Variants in PLPP7 observed in about 807,000 individuals in gnomAD.
PLPP7 encodes the protein phospholipid phosphatase 7 (inactive).
PLPP7 carries 11 observed loss-of-function variants against 16.9 expected under a neutral mutation model. The ratio of observed to expected loss-of-function variants is 0.65; its 90% CI spans 0.41 to 1.08. PLPP7 has a LOEUF of 1.08. PLPP7 is among the 50% of genes least tolerant of loss of function. The pLI is 0.00. For synonymous variants in PLPP7, 174 were observed against 175.1 expected (o/e 0.99, Z 0.05); for missense variants, 358 against 397.1 (o/e 0.90, Z 0.84).
At chr9:131,307,759 C>T (rs1372958353) in intron 1 of PLPP7, among the ~76,000 whole-genome samples, 164 bp from the exon 2 acceptor site, 1 of 152,054 alleles carries the variant, frequency 6.6e-6, no homozygotes, top group Non-Finnish European at 1.5e-5. Flanking sequence ...GCAGGGGAGA[C>T]AGCAAAGGCA....
chr9:131,298,856 T>C (rs1267830488), intron 1 of PLPP7, among the ~76,000 whole-genome samples: 2 of 152,186 alleles, frequency 1.3e-5, no homozygotes, highest in Admixed American at 1.3e-4. Context: ...CTTGTTGCCC[T>C]CTGAGGGCCG....
chr9:131,307,062 T>G (rs1025057491), intron 1 of PLPP7, among the ~76,000 whole-genome samples: 1 of 151,470 alleles, frequency 6.6e-6, no homozygotes, highest in African/African-American at 2.4e-5. Flanking sequence ...CTGGCCAACA[T>G]GGCAAAACCC....
At chr9:131,296,572 G>GA (rs932120384) in intron 1 of PLPP7, among the ~76,000 whole-genome samples, 5 of 152,168 alleles carry the variant, frequency 3.3e-5, no homozygotes, top group African/African-American at 1.2e-4. Flanking sequence ...CTTGTAGTAA[G>GA]AAAAAATGCA....
intron 1 of PLPP7, among the ~76,000 whole-genome samples, chr9:131,302,096 G>T (rs1290982312): frequency 6.6e-6 from 1 of 152,178 alleles, no homozygotes; most frequent in Admixed American, 6.5e-5. Context: ...TGGAATTACA[G>T]GCGTGAGCCA....
intron 1 of PLPP7, among the ~76,000 whole-genome samples, chr9:131,306,981 G>A (rs926082638): frequency 5.9e-5 from 9 of 152,006 alleles, no homozygotes; most frequent in Non-Finnish European, 1.0e-4. Context: ...AGTGGCTCAC[G>A]CCTGTAATGG....
chr9:131,291,174 C>T (rs1835671867), intron 1 of PLPP7: 1 of 1,366,028 alleles, frequency 7.3e-7, no homozygotes, highest in Non-Finnish European at 9.8e-7. Flanking sequence ...TTCCCTCCAC[C>T]CAGAGGTGAT....
At chr9:131,293,915 G>T (rs1835708566) in intron 1 of PLPP7, among the ~76,000 whole-genome samples, 1 of 152,184 alleles carries the variant, frequency 6.6e-6, no homozygotes, top group Non-Finnish European at 1.5e-5. Flanking sequence ...CTAACCCCCA[G>T]GGGCAGTCTC....
In PLPP7 at chr9:131,295,093, C is replaced by T. The variant is rs569665671; in HGVS notation, c.451+4645C>T. Among the ~76,000 whole-genome samples, 273 of 151,006 alleles carry T rather than the reference C, an allele frequency of 1.8e-3. 1 individual carries two copies. Among genetic ancestry groups the T allele is most frequent in the African/African-American group, 6.2e-3 (254 of 41,214 alleles). On this transcript the variant is annotated intron_variant, in intron 1 of 1. Transcript: ENST00000372264. The surrounding 1 kb of genome is among the most constrained non-coding windows in gnomAD (Gnocchi z 4.0). ...TCGCACCACTGCACTCCAGCCTGGG[C>T]GACAGAGTGAGACTCTGTCTAAAAA... is the stretch of plus-strand genomic sequence containing the variant.
chr9:131,299,283 AC>A (rs1272558978), intron 1 of PLPP7, among the ~76,000 whole-genome samples: 4 of 152,148 alleles, frequency 2.6e-5, no homozygotes, highest in Non-Finnish European at 4.4e-5. Context: ...TGCAGCTCCC[AC>A]CAGCTCCCCG....
chr9:131,300,294 A>G (rs1835782175), intron 1 of PLPP7, among the ~76,000 whole-genome samples: 1 of 152,192 alleles, frequency 6.6e-6, no homozygotes, highest in Non-Finnish European at 1.5e-5. Context: ...CTGGCCTATC[A>G]TCTTTTTATT....
Position 131,308,183 on chromosome 9 carries a change from A to G in PLPP7, c.712A>G (p.Thr238Ala), listed in dbSNP as rs779863410. 1.9e-6 allele frequency: 3 copies of G among 1,599,956 alleles called. No homozygotes were observed. Among genetic ancestry groups the G allele is most frequent in the Admixed American group, 3.3e-5 (2 of 59,988 alleles). Residue 238 changes from threonine to alanine, a missense_variant, in exon 2 of 2, where the codon ACG (threonine) becomes GCG (alanine). Transcript: ENST00000372264. ...CGTGATGATCGGCCGCCACCACGTC[A>G]CGGACGTCCTCTCCGGCTTTGTCAT... Reference protein sequence around the residue: ...SRVMIGRHHVTDVLSGFVIGY... With the variant: ...SRVMIGRHHVADVLSGFVIGY...
intron 1 of PLPP7, among the ~76,000 whole-genome samples, chr9:131,307,100 G>A (rs2131221669): frequency 6.6e-6 from 1 of 151,500 alleles, no homozygotes; most frequent in African/African-American, 2.4e-5. Context: ...CAAAAAATTA[G>A]CCAAGCATGG....
chr9:131,307,856 G>A (rs1835870502), intron 1 of PLPP7, 67 bp from the exon 2 acceptor site: 1 of 1,448,860 alleles, frequency 6.9e-7, no homozygotes, highest in South Asian at 1.4e-5. Flanking sequence ...GTGGAAATGT[G>A]GGGGGCCAGG....
In PLPP7 at chr9:131,289,923, G is replaced by A. The variant is rs946346441; in HGVS notation, c.-75G>A. 6 of 1,259,624 alleles carry A rather than the reference G, an allele frequency of 4.8e-6. No homozygotes were observed. Among genetic ancestry groups the A allele is most frequent in the African/African-American group, 3.1e-5 (2 of 64,616 alleles). The allele number at this position is 1,259,624 out of a possible 1,614,324, so 78.0% of individuals were successfully genotyped here. On this transcript the variant is annotated 5_prime_UTR_variant, in exon 1 of 2. Coordinates refer to ENST00000372264, the MANE Select transcript of PLPP7 (RefSeq NM_032728.4). ...AGGCAGCCACGGTGGCGGCTCTGGG[G>A]GCAGCTCTTGTCTTCGGGGAGAAGG... is the stretch of plus-strand genomic sequence containing the variant.
chr9:131,299,661 G>A (rs1401957223), intron 1 of PLPP7, among the ~76,000 whole-genome samples: 4 of 152,176 alleles, frequency 2.6e-5, no homozygotes, highest in Non-Finnish European at 4.4e-5. Flanking sequence ...GCTGCGGCAT[G>A]GTGAGGGCGA....
chr9:131,291,129 C>T (rs754589019), intron 1 of PLPP7: 25 of 1,366,416 alleles, frequency 1.8e-5, no homozygotes, highest in Non-Finnish European at 2.2e-5. Context: ...CGCCCTGTGC[C>T]AGGTGCCACG....
chr9:131,302,857 TC>T (rs552459774), intron 1 of PLPP7, among the ~76,000 whole-genome samples: 7 of 152,112 alleles, frequency 4.6e-5, no homozygotes, highest in Non-Finnish European at 1.0e-4. Context: ...GCCCTGAAGT[TC>T]TAGTCCTCCA....
intron 1 of PLPP7, among the ~76,000 whole-genome samples, chr9:131,293,192 C>T (rs550716800): frequency 6.6e-6 from 1 of 152,090 alleles, no homozygotes; most frequent in Admixed American, 6.6e-5. Flanking sequence ...ATCCAAGGCC[C>T]CGTGACTGCA....
chr9:131,296,913 G>A (rs1000737514), intron 1 of PLPP7, among the ~76,000 whole-genome samples: 8 of 152,312 alleles, frequency 5.3e-5, no homozygotes, highest in South Asian at 4.1e-4. Flanking sequence ...GCCTCTCCAC[G>A]AGGCTTGTCT....
Sources: gnomAD v4.1 joint callset for allele counts (sites outside exome capture counted in the v4.1 genomes callset) on GRCh38, gnomAD v4.1.1 for gene constraint, Gnocchi (gnomAD v3.1) non-coding constraint, MANE v1.5 for transcripts, NCBI Gene and HGNC (gene_info 2026-07-23, HGNC 2026-07-21) for gene names.